The following MACROH2A2 variants were observed in gnomAD, a reference collection of about 807,000 sequenced individuals.
MACROH2A2 encodes the protein macroH2A.2 histone.
In MACROH2A2, 6 loss-of-function variants were observed where a neutral mutation model predicts 37.6. The ratio of observed to expected loss-of-function variants is 0.16; its 90% confidence interval spans 0.09 to 0.32. The LOEUF is 0.32. Ranked by LOEUF, MACROH2A2 falls within the 10% of genes least tolerant of loss-of-function variation. The pLI, the probability that MACROH2A2 is intolerant of heterozygous loss-of-function variation, is 1.00. For missense variants in MACROH2A2, 290 were observed against 485.9 expected, an observed-to-expected ratio of 0.60 and a Z score of 3.79; for synonymous variants, 192 against 202.7, an observed-to-expected ratio of 0.95 and a Z score of 0.45.
chr10:70,081,660 C>T (rs1406810322), intron 2 of MACROH2A2, among the ~76,000 whole-genome samples: 1 of 152,022 alleles, frequency 6.6e-6, no homozygotes, highest in Non-Finnish European at 1.5e-5. Flanking sequence ...CATGGGAGGT[C>T]AGAACCAAAC....
At chr10:70,093,104 G>A (rs1170481536) in intron 4 of MACROH2A2, among the ~76,000 whole-genome samples, 1 of 151,962 alleles carries the variant, frequency 6.6e-6, no homozygotes, top group Admixed American at 6.6e-5. Flanking sequence ...CAAACTCCTG[G>A]GCTCAAGCGA....
intron 8 of MACROH2A2, among the ~76,000 whole-genome samples, chr10:70,110,776 T>C (rs1402218135): frequency 6.6e-6 from 1 of 151,902 alleles, no homozygotes; most frequent in East Asian, 1.9e-4. Context: ...TCCCAGCTAC[T>C]GAGGAGGCTG....
chr10:70,110,225 C>T (rs2072361942), intron 8 of MACROH2A2, among the ~76,000 whole-genome samples: 1 of 152,162 alleles, frequency 6.6e-6, no homozygotes. Flanking sequence ...TGGCTGACCC[C>T]TAACGACCAT....
At chr10:70,074,189 A>G (rs1261412619) in intron 1 of MACROH2A2, among the ~76,000 whole-genome samples, 1 of 152,194 alleles carries the variant, frequency 6.6e-6, no homozygotes, top group Non-Finnish European at 1.5e-5. Flanking sequence ...GTGGGCTTAC[A>G]AAGACTCTGT....
intron 1 of MACROH2A2, among the ~76,000 whole-genome samples, chr10:70,070,981 G>GTC (rs3030463): frequency 0.029 from 4,454 of 151,098 alleles, 229 homozygotes; most frequent in African/African-American, 0.1. Flanking sequence ...GTGTGTGTGT[G>GTC]TGTCTGTGTG....
intron 1 of MACROH2A2, among the ~76,000 whole-genome samples, chr10:70,066,608 A>G (rs2072080342): frequency 6.6e-6 from 1 of 152,190 alleles, no homozygotes; most frequent in South Asian, 2.1e-4. Context: ...TGTGATTGAG[A>G]AGCTGAGTGA....
chr10:70,087,637 TC>T (rs2072219152), intron 2 of MACROH2A2, among the ~76,000 whole-genome samples: 1 of 152,202 alleles, frequency 6.6e-6, no homozygotes, highest in African/African-American at 2.4e-5. Flanking sequence ...ATTTCATTTT[TC>T]CAGTATAATC....
chr10:70,087,338 T>C (rs1343645208), intron 2 of MACROH2A2, among the ~76,000 whole-genome samples: 1 of 151,960 alleles, frequency 6.6e-6, no homozygotes, highest in Non-Finnish European at 1.5e-5. Context: ...GTTCAAGTGA[T>C]TCTCCTGCCT....
intron 1 of MACROH2A2, among the ~76,000 whole-genome samples, chr10:70,066,687 G>A (rs1014330696): frequency 1.3e-5 from 2 of 152,160 alleles, no homozygotes; most frequent in Non-Finnish European, 2.9e-5. Flanking sequence ...CCTATTTGTG[G>A]ATCCTATATT....
rs2072342936 is a variant in MACROH2A2 at position 70,107,123 on chromosome 10, G to A, written c.779-1910G>A. On this transcript the variant is annotated intron_variant, in intron 7 of 8. Transcript: ENST00000373255. The surrounding 1 kb of genome is among the most constrained non-coding windows in gnomAD (Gnocchi z 4.4). ...ATGGCGGGCCCCTACCCAGGGCCTC[G>A]GTGTATTGTGTGGCCTGGGTCCTGC... Among the ~76,000 whole-genome samples, 2 of 152,180 alleles carry A rather than the reference G, an allele frequency of 1.3e-5. No homozygotes were observed. Among genetic ancestry groups the A allele is most frequent in the African/African-American group, 4.8e-5 (2 of 41,450 alleles).
At chr10:70,074,714 G>T (rs971299390) in intron 1 of MACROH2A2, among the ~76,000 whole-genome samples, 1 of 152,226 alleles carries the variant, frequency 6.6e-6, no homozygotes, top group Middle Eastern at 3.4e-3. Context: ...CCTTTCGCTT[G>T]GTTCTCATTC....
chr10:70,106,699 G>A (rs765242211), intron 7 of MACROH2A2, among the ~76,000 whole-genome samples: 8 of 151,220 alleles, frequency 5.3e-5, no homozygotes, highest in Non-Finnish European at 8.8e-5. Flanking sequence ...TTGGGAAGCT[G>A]AGGCAGGAGA....
intron 2 of MACROH2A2, among the ~76,000 whole-genome samples, chr10:70,082,051 C>A (rs761073954): frequency 6.6e-6 from 1 of 152,124 alleles, no homozygotes; most frequent in Non-Finnish European, 1.5e-5. Context: ...TTTGATGGTT[C>A]CTAATAAAGT....
At chr10:70,085,973 A>G (rs1484300441) in intron 2 of MACROH2A2, among the ~76,000 whole-genome samples, 2 of 151,860 alleles carry the variant, frequency 1.3e-5, no homozygotes, top group African/African-American at 4.8e-5. Flanking sequence ...AATGATGATT[A>G]ATGTTTTTCT....
At chr10:70,074,488 A>G (rs1490828510) in intron 1 of MACROH2A2, among the ~76,000 whole-genome samples, 1 of 152,224 alleles carries the variant, frequency 6.6e-6, no homozygotes, top group Non-Finnish European at 1.5e-5. Context: ...TGTCTAAAAA[A>G]TACACATCAG....
chr10:70,058,125 T>C (rs2072028527), intron 1 of MACROH2A2, among the ~76,000 whole-genome samples: 1 of 152,216 alleles, frequency 6.6e-6, no homozygotes, highest in Non-Finnish European at 1.5e-5. Flanking sequence ...CTATGACAAA[T>C]GAAAGAATAT....
intron 1 of MACROH2A2, among the ~76,000 whole-genome samples, chr10:70,064,867 C>T (rs959659845): frequency 2.6e-5 from 4 of 152,170 alleles, no homozygotes; most frequent in Non-Finnish European, 5.9e-5. Context: ...ACAACTAGTT[C>T]CTAACTGGAC....
chr10:70,056,685 G>A (rs2072019380), intron 1 of MACROH2A2, among the ~76,000 whole-genome samples: 1 of 152,150 alleles, frequency 6.6e-6, no homozygotes, highest in Non-Finnish European at 1.5e-5. Flanking sequence ...GAGCGAGGCA[G>A]GTGGAAGGAA....
At position 70,095,727 on chromosome 10, in the gene MACROH2A2, C is replaced by A; in HGVS notation, c.662C>A (p.Ala221Asp). 1.3e-6 allele frequency: 2 copies of A among 1,578,222 alleles called. No individual in the cohort carries two copies. The highest frequency in any genetic ancestry group is 1.7e-6 in the Non-Finnish European group (2 of 1,147,204). ...GAGGGCATTGTCCACCCAACCACAG[C>A]CGAAATTGACCTCAAAGAAGATATA... ...RVEGIVHPTTAEIDLKEDIGK... is the reference protein window; with the variant it reads ...RVEGIVHPTTDEIDLKEDIGK... Residue 221 changes from alanine (A) to aspartate (D), a missense_variant, in exon 6 of 9, where the codon GCC becomes GAC. Transcript: ENST00000373255.
Sources: allele counts gnomAD v4.1 joint callset (sites outside exome capture counted in the v4.1 genomes callset), GRCh38; gene constraint gnomAD v4.1.1; non-coding constraint Gnocchi (gnomAD v3.1); transcripts MANE v1.5; gene names NCBI Gene and HGNC (gene_info 2026-07-23, HGNC 2026-07-21).